Variants in MED13L observed in about 807,000 individuals in gnomAD.
The protein encoded by MED13L is mediator of RNA polymerase II transcription subunit 13-like.
A neutral mutation model predicts 220.9 loss-of-function variants in MED13L; 7 were observed. The ratio of observed to expected loss-of-function variants is 0.03; its 90% CI spans 0.02 to 0.06. The LOEUF is 0.06. Ranked by LOEUF, MED13L falls within the 10% of genes least tolerant of loss-of-function variation. The pLI is 1.00. For missense variants in MED13L, 1,965 were observed against 2,760.5 expected (o/e 0.71, Z 6.46); for synonymous variants, 1,011 against 1,015.2 (o/e 1.00, Z 0.08).
intron 4 of MED13L, among the ~76,000 whole-genome samples, chr12:116,059,462 G>T (rs1035724618): frequency 1.5e-4 from 23 of 150,460 alleles, no homozygotes; most frequent in African/African-American, 5.4e-4. Context: ...TACCACCTTG[G>T]CAGGAGTGCA....
rs139224448 is a variant in MED13L at position 116,154,809 on chromosome 12, A to T, written c.311-43297T>A. 1.4e-3 allele frequency among the ~76,000 whole-genome samples: 208 copies of T among 152,242 alleles called. 1 individual carries two copies. Among genetic ancestry groups the T allele is most frequent in the African/African-American group, 4.8e-3 (200 of 41,560 alleles). ...TTCGATAAAGATATTCTTTTTATTT[A>T]ATTGTGTGTTGATGGTGGTGGTGTT... On this transcript the variant is annotated intron_variant, in intron 2 of 30. Coordinates refer to ENST00000281928, the MANE Select transcript of MED13L (RefSeq NM_015335.5).
chr12:116,013,967 GA>G (rs1043365031), intron 8 of MED13L, among the ~76,000 whole-genome samples: 1 of 152,116 alleles, frequency 6.6e-6, no homozygotes, highest in Non-Finnish European at 1.5e-5. Context: ...AAAAGAAAAA[GA>G]AAATGTTTAC....
At position 116,031,766 on chromosome 12, in the gene MED13L, AG is replaced by A. The variant is rs1880848955; in HGVS notation, c.480-9166del. On this transcript the variant is annotated intron_variant, in intron 4 of 30. Transcript: ENST00000281928. Reference sequence around the variant, plus strand: ...AAAAGAAAAGAAAAGAAAAGAAGGAAGGAAGGAAGGAAGGAAGGAAGGAAGG... The same window carrying A: ...AAAAGAAAAGAAAAGAAAAGAAGGAAGAAGGAAGGAAGGAAGGAAGGAAGG... 8.4e-5 allele frequency among the ~76,000 whole-genome samples: 12 copies of A among 143,170 alleles called. No homozygotes were observed. The East Asian group carries it at 1.3e-3, about 15-fold the overall frequency. 93.9% of individuals were successfully genotyped at this position (143,170 alleles called of 152,430 possible). A position where few individuals can be genotyped will look rare whatever the true frequency, so the allele number is the denominator to read the frequency against.
chr12:116,116,915 A>T (rs1874571732), intron 2 of MED13L, among the ~76,000 whole-genome samples: 1 of 149,922 alleles, frequency 6.7e-6, no homozygotes, highest in South Asian at 2.2e-4. Flanking sequence ...CCTTCTAGGT[A>T]TATACTCAAG....
intron 2 of MED13L, among the ~76,000 whole-genome samples, chr12:116,207,863 C>A (rs1882449922): frequency 6.6e-6 from 1 of 152,000 alleles, no homozygotes; most frequent in African/African-American, 2.4e-5. Context: ...CAATAGGAAT[C>A]CTCAGTGCTC....
At chr12:116,131,468 A>C (rs1051527453) in intron 2 of MED13L, among the ~76,000 whole-genome samples, 3 of 152,198 alleles carry the variant, frequency 2.0e-5, no homozygotes, top group African/African-American at 7.2e-5. Flanking sequence ...CTCTGCCACA[A>C]CACTGTGTAC....
At chr12:116,276,993 G>A in intron 1 of MED13L, 67 bp downstream of exon 1, 8 of 1,496,278 alleles carry the variant, frequency 5.3e-6, no homozygotes, top group African/African-American at 1.4e-5. Flanking sequence ...AAAGTTGGTC[G>A]GCGGCGGAGG....
chr12:116,214,060 T>C (rs747469609), intron 2 of MED13L, among the ~76,000 whole-genome samples: 9 of 152,214 alleles, frequency 5.9e-5, no homozygotes, highest in Non-Finnish European at 1.0e-4. Flanking sequence ...ACTCTGCCTA[T>C]GGGGTAGCCC....
chr12:116,089,833 G>GA (rs541717560), intron 4 of MED13L, among the ~76,000 whole-genome samples: 37 of 152,062 alleles, frequency 2.4e-4, no homozygotes, highest in Admixed American at 6.6e-4. Flanking sequence ...AAAAAGAATG[G>GA]AAACAACCTT....
chr12:116,256,994 TAA>T (rs552539108), intron 1 of MED13L, among the ~76,000 whole-genome samples: 311 of 152,326 alleles, frequency 2.0e-3, no homozygotes, highest in African/African-American at 7.2e-3. Flanking sequence ...CTACTTTTAA[TAA>T]AACCAAAGTA....
At chr12:116,027,304 C>T (rs960900175) in intron 4 of MED13L, among the ~76,000 whole-genome samples, 2 of 152,016 alleles carry the variant, frequency 1.3e-5, no homozygotes, top group Admixed American at 6.6e-5. Flanking sequence ...TGCCTGTAGT[C>T]CCAGCTACTC....
At chr12:116,234,155 A>T (rs574178959) in intron 2 of MED13L, among the ~76,000 whole-genome samples, 27 of 152,016 alleles carry the variant, frequency 1.8e-4, no homozygotes, top group African/African-American at 2.4e-4. Context: ...TGCCTCTATT[A>T]AAAAAAATGT....
rs1253067907 is a variant in MED13L, at chr12:116,276,593, T to C, written c.72+467A>G. On this transcript the variant is annotated intron_variant, in intron 1 of 30. Coordinates refer to ENST00000281928, the MANE Select transcript of MED13L (RefSeq NM_015335.5). ...TTTTAGGGCGAAATTGCAGGTGTCATTATGGAATTTAAAAAAATTCAAAAG... is the reference window on the plus strand; with the variant it reads ...TTTTAGGGCGAAATTGCAGGTGTCACTATGGAATTTAAAAAAATTCAAAAG... 7 of 1,209,252 alleles carry C rather than the reference T, an allele frequency of 5.8e-6. No individual in the cohort carries two copies. In the East Asian group the frequency reaches 1.8e-4, roughly 31 times the overall value. 74.9% of individuals were successfully genotyped at this position (1,209,252 alleles called of 1,614,324 possible).
intron 4 of MED13L, among the ~76,000 whole-genome samples, chr12:116,055,625 T>C (rs1449668868): frequency 2.0e-5 from 3 of 152,230 alleles, no homozygotes; most frequent in Non-Finnish European, 4.4e-5. Flanking sequence ...CCAGGTGCAG[T>C]GGCTCACACC....
Position 116,152,494 on chromosome 12 carries a change from AT to A in MED13L, c.311-40983del, listed in dbSNP as rs1233051208. Among the ~76,000 whole-genome samples, 11 of 152,260 alleles carry A rather than the reference AT, an allele frequency of 7.2e-5. No homozygotes were observed. The East Asian group carries it at 2.1e-3, about 29-fold the overall frequency. ...AAGAATGCAAGCCACAGTCTGGTACATTTCATATCATCCTTGGGGGATTTCC... is the reference window on the plus strand; with the variant it reads ...AAGAATGCAAGCCACAGTCTGGTACATTCATATCATCCTTGGGGGATTTCC... On this transcript the variant is annotated intron_variant, in intron 2 of 30. Transcript: ENST00000281928.
At chr12:116,006,164 C>T (rs1879034452) in intron 12 of MED13L, 142 bp downstream of exon 12, 1 of 1,269,636 alleles carries the variant, frequency 7.9e-7, no homozygotes, top group Non-Finnish European at 1.1e-6. Flanking sequence ...TTGAAAGGAA[C>T]TGAAAAACAA....
rs34786529 is a variant in MED13L at position 116,193,616 on chromosome 12, G to GAA, written c.310+43850_310+43851dup. 3.2e-3 allele frequency among the ~76,000 whole-genome samples: 479 copies of GAA among 148,868 alleles called. 1 individual carries two copies. Among genetic ancestry groups the GAA allele is most frequent in the African/African-American group, 6.7e-3 (272 of 40,756 alleles). ...TTTAGTGTAAAGTAGAAATCTCTCAGAAAAAAAAAACTCCTAATAATCACT... is the reference window on the plus strand; with the variant it reads ...TTTAGTGTAAAGTAGAAATCTCTCAGAAAAAAAAAAAACTCCTAATAATCACT... On this transcript the variant is annotated intron_variant, in intron 2 of 30. Transcript: ENST00000281928.
chr12:115,994,514 T>C (rs574141877), intron 16 of MED13L, among the ~76,000 whole-genome samples: 23 of 152,124 alleles, frequency 1.5e-4, no homozygotes, highest in Non-Finnish European at 2.9e-4. Context: ...TAAAGTTGTA[T>C]AATAGAGCCA....
intron 1 of MED13L, among the ~76,000 whole-genome samples, chr12:116,274,248 AAGTGTCTGATTG>A (rs1298484243): frequency 1.3e-5 from 2 of 152,182 alleles, no homozygotes; most frequent in Non-Finnish European, 2.9e-5. Context: ...AGAAATCTTA[AAGTGTCTGATTG>A]ATTGCACAAT....
Sources: allele counts gnomAD v4.1 joint callset (sites outside exome capture counted in the v4.1 genomes callset), GRCh38; gene constraint gnomAD v4.1.1; transcripts MANE v1.5; gene names NCBI Gene and HGNC (gene_info 2026-07-23, HGNC 2026-07-21).